RUBCN: variants seen among roughly 807,000 people sequenced by gnomAD.
RUBCN encodes the protein rubicon autophagy regulator, also known as run domain Beclin-1-interacting and cysteine-rich domain-containing protein.
RUBCN carries 74 observed loss-of-function variants against 113.2 expected under a neutral mutation model. The ratio of observed to expected loss-of-function variants is 0.65; its 90% CI spans 0.54 to 0.79. RUBCN has a LOEUF of 0.79. Ranked by LOEUF, RUBCN falls within the 30% of genes least tolerant of loss-of-function variation. RUBCN has a pLI of 0.00. For missense variants in RUBCN, 1,109 were observed against 1,251.7 expected (o/e 0.89, Z 1.72); for synonymous variants, 480 against 490.0 (o/e 0.98, Z 0.27).
intron 5 of RUBCN, among the ~76,000 whole-genome samples, chr3:197,702,291 G>A (rs1403750443): frequency 6.6e-6 from 1 of 152,214 alleles, no homozygotes; most frequent in African/African-American, 2.4e-5. Context: ...AAGAGTCAAT[G>A]ACATGATACA....
At chr3:197,700,576 G>A (rs1437965138) in intron 7 of RUBCN, 37 bp downstream of exon 7, 4 of 1,609,774 alleles carry the variant, frequency 2.5e-6, no homozygotes, top group South Asian at 2.2e-5. Context: ...TCAATTCAGG[G>A]TCATCTTGCT....
chr3:197,746,294 T>C (rs11720734), intron 1 of RUBCN, among the ~76,000 whole-genome samples: 1,813 of 152,336 alleles, frequency 0.012, 22 homozygotes, highest in Non-Finnish European at 0.015. Context: ...CAGAAACAGT[T>C]GTAACAATTT....
rs555127254 is a variant in RUBCN, at chr3:197,743,165, TTTC to T, written c.-116+6101_-116+6103del. ...GGCAGGCTCCTCCGGAGCTCTTGAG[TTTC>T]TTAAGGGCAGCAGCTATGCCTGCAA... is the stretch of plus-strand genomic sequence containing the variant. On this transcript the variant is annotated intron_variant, in intron 1 of 20. Coordinates refer to the RUBCN transcript ENST00000273582. 1.3e-3 allele frequency among the ~76,000 whole-genome samples: 205 copies of T among 152,208 alleles called. 2 individuals carry two copies. Among genetic ancestry groups the T allele is most frequent in the African/African-American group, 4.6e-3 (192 of 41,508 alleles).
chr3:197,694,351 G>C (rs1377192866), intron 10 of RUBCN, 24 bp downstream of exon 10: 1 of 1,608,070 alleles, frequency 6.2e-7, no homozygotes, highest in South Asian at 1.1e-5. Context: ...TGTGGGAACA[G>C]AAGCATCCAC....
In RUBCN at chr3:197,681,846, C is replaced by T. The variant is rs776996816; in HGVS notation, c.2180G>A (p.Arg727Gln). 7.4e-6 allele frequency: 12 copies of T among 1,613,828 alleles called. No homozygotes were observed. The highest frequency in any genetic ancestry group is 1.3e-5 in the African/African-American group (1 of 74,888). ...QNYRCAGCGI[R>Q]TDPDYIKRLR... ...GGGAAGGCACTCACCAGGGTCAGTC[C>T]GGATGCCACATCCTGCACAGCGGTA... Residue 727 changes from arginine to glutamine, a missense_variant, in exon 15 of 20, where the codon CGG (arginine) becomes CAG (glutamine). Transcript: ENST00000296343. The surrounding 1 kb of genome is among the most constrained non-coding windows in gnomAD (Gnocchi z 5.5).
In RUBCN at chr3:197,670,930, C is replaced by A. The variant is rs1358610204; in HGVS notation, c.*4088G>T. ...ACAGGAGATGAGGACACGCTCACTA[C>A]TGCAGAGACTTGGTGAGCACTAAGA... On this transcript the variant is annotated 3_prime_UTR_variant, in exon 20 of 20. Coordinates refer to ENST00000296343, the MANE Select transcript of RUBCN (RefSeq NM_014687.4). 6.6e-6 allele frequency among the ~76,000 whole-genome samples: 1 copy of A among 152,226 alleles called. No individual in the cohort carries two copies.
At chr3:197,696,080 AATT>A in intron 8 of RUBCN, 99 bp from the exon 9 acceptor site, 12 of 1,169,084 alleles carry the variant, frequency 1.0e-5, no homozygotes, top group Non-Finnish European at 1.5e-5. Flanking sequence ...GGTAACTGGG[AATT>A]AGAGGTTGGA....
chr3:197,745,664 T>G (rs1328126168), intron 1 of RUBCN, among the ~76,000 whole-genome samples: 1 of 151,190 alleles, frequency 6.6e-6, no homozygotes, highest in Non-Finnish European at 1.5e-5. Flanking sequence ...GGGTGAAGTG[T>G]GTAAGAGTTT....
chr3:197,676,735 A>G, intron 18 of RUBCN, 150 bp downstream of exon 18: 7 of 1,515,798 alleles, frequency 4.6e-6, no homozygotes, highest in East Asian at 2.4e-5. Context: ...TCTCCAGGCT[A>G]AGGAACAGCA....
intron 11 of RUBCN, among the ~76,000 whole-genome samples, chr3:197,691,335 G>A (rs1446690765): frequency 2.6e-5 from 4 of 152,042 alleles, no homozygotes; most frequent in East Asian, 1.9e-4. Flanking sequence ...TACTTCCTAC[G>A]CCAAGCCCAG....
intron 16 of RUBCN, among the ~76,000 whole-genome samples, chr3:197,678,074 G>C (rs1256751894): frequency 7.1e-6 from 1 of 141,768 alleles, no homozygotes; most frequent in East Asian, 2.0e-4. Flanking sequence ...CCTGGCTTCT[G>C]ACTGTCCCAC....
chr3:197,739,184 G>A (rs1401197480), upstream of RUBCN, among the ~76,000 whole-genome samples: 3 of 151,750 alleles, frequency 2.0e-5, no homozygotes, highest in Non-Finnish European at 4.4e-5. Context: ...CAGGTGATCC[G>A]CCGGCTTCGG....
At chr3:197,680,085 T>A (rs2108844856) in intron 16 of RUBCN, among the ~76,000 whole-genome samples, 1 of 149,268 alleles carries the variant, frequency 6.7e-6, no homozygotes, top group African/African-American at 2.5e-5. Context: ...AACTGACAAC[T>A]GGCTTCAGAC....
rs562907050 is a variant in RUBCN, at chr3:197,670,448, T to G, written c.*4570A>C. Among the ~76,000 whole-genome samples, 1 of 152,334 alleles carries G rather than the reference T, an allele frequency of 6.6e-6. No individual in the cohort carries two copies. Among genetic ancestry groups the G allele is most frequent in the African/African-American group, 2.4e-5 (1 of 41,584 alleles). ...TCCTTGTTTTCCTCTTCAACAGTCT[T>G]TCCAATTTTGGAATATGATCATCTA... On this transcript the variant is annotated 3_prime_UTR_variant, in exon 20 of 20. Transcript: ENST00000296343.
At chr3:197,693,988 G>T in intron 10 of RUBCN, 172 bp from the exon 11 acceptor site, 1 of 616,664 alleles carries the variant, frequency 1.6e-6, no homozygotes, top group Non-Finnish European at 2.9e-6. Context: ...GCAAATCTGG[G>T]AGCAGTGTTC....
At position 197,675,262 on chromosome 3, in the gene RUBCN, T is replaced by G. The variant is rs1560395479; in HGVS notation, c.2741-66A>C. The G allele has an allele frequency of 3.1e-6, 5 of 1,593,640 alleles. No individual in the cohort carries two copies. The East Asian group carries it at 1.1e-4, about 36-fold the overall frequency. On this transcript the variant is annotated intron_variant, in intron 19 of 19. Coordinates refer to ENST00000296343, the MANE Select transcript of RUBCN (RefSeq NM_014687.4). This position sits in a 1 kb window ranked among gnomAD's most constrained non-coding sequence, Gnocchi z 4.4. ...TGTATTATCTCCAGCTAGAGGTCAG[T>G]TGCTGCCACAGCCCCTTCTCGCCAC...
At chr3:197,703,232 G>A (rs937197224) in intron 5 of RUBCN, among the ~76,000 whole-genome samples, 6 of 150,942 alleles carry the variant, frequency 4.0e-5, no homozygotes, top group Admixed American at 6.6e-5. Flanking sequence ...CTCTGTCTCT[G>A]CTAAAAATAC....
rs1721268465 is a variant in RUBCN at position 197,681,775 on chromosome 3, A to G, written c.2191+60T>C. On this transcript the variant is annotated intron_variant, in intron 15 of 19. Coordinates refer to ENST00000296343, the MANE Select transcript of RUBCN (RefSeq NM_014687.4). The surrounding 1 kb of genome is among the most constrained non-coding windows in gnomAD (Gnocchi z 5.5). ...CGCCTTTGACACGCCACCTCTCCCT[A>G]CGTGTCGGGGAGGGTACAGAGCCTC... is the stretch of plus-strand genomic sequence containing the variant. 2.1e-6 allele frequency: 3 copies of G among 1,428,770 alleles called. No individual in the cohort carries two copies. The highest frequency in any genetic ancestry group is 2.3e-5 in the East Asian group (1 of 43,906). The allele number at this position is 1,428,770 out of a possible 1,614,324, so 88.5% of individuals were successfully genotyped here.
intron 2 of RUBCN, among the ~76,000 whole-genome samples, chr3:197,715,203 CG>C (rs1404668714): frequency 2.7e-5 from 4 of 150,188 alleles, no homozygotes; most frequent in Non-Finnish European, 5.9e-5. Flanking sequence ...GCAGGAGAAT[CG>C]CTTGAACCCG....
Sources: allele counts gnomAD v4.1 joint callset (sites outside exome capture counted in the v4.1 genomes callset), GRCh38; gene constraint gnomAD v4.1.1; non-coding constraint Gnocchi (gnomAD v3.1); transcripts MANE v1.5; gene names NCBI Gene and HGNC (gene_info 2026-07-23, HGNC 2026-07-21).